Variants in KLHL24 observed in about 807,000 individuals in gnomAD.
KLHL24 encodes the protein kelch like family member 24, also known as kelch-like protein 24.
Under a neutral mutation model 53.4 loss-of-function variants are expected in KLHL24, and 29 were observed. The observed-to-expected ratio is 0.54, with a 90% CI of 0.40 to 0.74. The LOEUF is 0.74. Among genes scored for constraint, KLHL24 ranks in the 30% least tolerant of loss-of-function variants. The pLI is 0.00. For synonymous variants in KLHL24, 222 were observed against 253.7 expected (o/e 0.88, Z 1.19); for missense variants, 504 against 744.0 (o/e 0.68, Z 3.75).
chr3:183,652,935 A>T (rs1490640609), intron 3 of KLHL24, among the ~76,000 whole-genome samples: 1 of 152,194 alleles, frequency 6.6e-6, no homozygotes, highest in Non-Finnish European at 1.5e-5. Flanking sequence ...CAAGGGTTAT[A>T]TGTTGTAAAA....
intron 1 of KLHL24, among the ~76,000 whole-genome samples, chr3:183,638,367 C>T (rs1048374917): frequency 3.3e-5 from 5 of 152,106 alleles, no homozygotes; most frequent in African/African-American, 9.7e-5. Flanking sequence ...TTCCTTTTCT[C>T]CCATTTCATT....
intron 5 of KLHL24, 58 bp downstream of exon 5, chr3:183,665,097 G>T: frequency 1.2e-6 from 1 of 852,212 alleles, no homozygotes; most frequent in Non-Finnish European, 1.9e-6. Flanking sequence ...AAATACCACA[G>T]CTGAATCTTT....
intron 2 of KLHL24, among the ~76,000 whole-genome samples, chr3:183,645,381 C>G (rs954116002): frequency 6.6e-6 from 1 of 152,154 alleles, no homozygotes; most frequent in Non-Finnish European, 1.5e-5. Context: ...GATAGATACG[C>G]TACTGCTCAT....
At chr3:183,651,461 C>T (rs1449829521) in intron 3 of KLHL24, among the ~76,000 whole-genome samples, 185 bp downstream of exon 3, 1 of 152,154 alleles carries the variant, frequency 6.6e-6, no homozygotes, top group East Asian at 1.9e-4. Flanking sequence ...TCAACAGTAG[C>T]ATTTTTTGTT....
intron 7 of KLHL24, among the ~76,000 whole-genome samples, chr3:183,675,415 C>G (rs989610670): frequency 6.6e-6 from 1 of 152,088 alleles, no homozygotes; most frequent in Non-Finnish European, 1.5e-5. Flanking sequence ...CGTTTTCTCC[C>G]TCTCATATCA....
At position 183,676,009 on chromosome 3, in the gene KLHL24, A is replaced by G. The variant is rs1019489619; in HGVS notation, c.1603-3077A>G. Among the ~76,000 whole-genome samples the G allele has an allele frequency of 5.3e-5, 8 of 152,204 alleles. No homozygotes were observed. In the South Asian group the frequency reaches 8.3e-4, roughly 16 times the overall value. ...CAACATTCATTGACTTTAGAAATTT[A>G]AAGAAAATAAACATTTGGATCAGAA... On this transcript the variant is annotated intron_variant, in intron 7 of 7. Transcript: ENST00000242810.
chr3:183,682,903 A>C lies in KLHL24; in HGVS notation c.*3617A>C, dbSNP rs1351683417. 3.9e-5 allele frequency: 6 copies of C among 152,150 alleles called. No individual in the cohort carries two copies. In the East Asian group the frequency reaches 1.2e-3, roughly 29 times the overall value. The allele number at this position is 152,150 out of a possible 1,614,324, so 9.4% of individuals were successfully genotyped here. A position where few individuals can be genotyped will look rare whatever the true frequency, so the allele number is the denominator to read the frequency against. On this transcript the variant is annotated 3_prime_UTR_variant, in exon 8 of 8. Coordinates refer to ENST00000242810, the MANE Select transcript of KLHL24 (RefSeq NM_017644.3). ...TTATGTCTTGAGATTTATATGTGGA[A>C]AAGACGACATCTACTTCAAACTGTA...
intron 1 of KLHL24, among the ~76,000 whole-genome samples, chr3:183,641,159 A>G (rs895973315): frequency 2.0e-5 from 3 of 152,174 alleles, no homozygotes; most frequent in African/African-American, 4.8e-5. Flanking sequence ...TTGGTTTTGT[A>G]TAGTACCTTA....
intron 3 of KLHL24, among the ~76,000 whole-genome samples, chr3:183,654,742 T>C (rs1718612409): frequency 6.6e-6 from 1 of 152,222 alleles, no homozygotes; most frequent in Admixed American, 6.5e-5. Flanking sequence ...TTCTTTTTTA[T>C]GATTCTGACT....
chr3:183,658,727 A>G (rs1719268610), intron 3 of KLHL24, among the ~76,000 whole-genome samples: 1 of 152,160 alleles, frequency 6.6e-6, no homozygotes, highest in Non-Finnish European at 1.5e-5. Context: ...ATTTGTTTAC[A>G]TTAGTTTTTG....
In KLHL24 at chr3:183,680,291, CAA is replaced by C. The variant is rs910674948; in HGVS notation, c.*1006_*1007del. 2.0e-5 allele frequency: 3 copies of C among 152,190 alleles called. No homozygotes were observed. The highest frequency in any genetic ancestry group is 7.2e-5 in the African/African-American group (3 of 41,520). 9.4% of individuals were successfully genotyped at this position (152,190 alleles called of 1,614,324 possible). A position where few individuals can be genotyped will look rare whatever the true frequency, so the allele number is the denominator to read the frequency against. ...TGGGCAACAGGTTGCGACACTGTCT[CAA>C]GAGAAAAGAAAAAGAAAAATAGGGA... On this transcript the variant is annotated 3_prime_UTR_variant, in exon 8 of 8. Coordinates refer to ENST00000242810, the MANE Select transcript of KLHL24 (RefSeq NM_017644.3).
At chr3:183,670,276 AAG>A (rs1048753549) in intron 5 of KLHL24, among the ~76,000 whole-genome samples, 6 of 152,036 alleles carry the variant, frequency 3.9e-5, no homozygotes, top group African/African-American at 1.2e-4. Flanking sequence ...AAAAAAGAAA[AAG>A]AGAGAGAGAG....
In KLHL24 at chr3:183,680,551, A is replaced by G. The variant is rs1712572065; in HGVS notation, c.*1265A>G. 1 of 152,200 alleles carries G rather than the reference A, an allele frequency of 6.6e-6. No homozygotes were observed. The highest frequency in any genetic ancestry group is 6.5e-5 in the Admixed American group (1 of 15,268). The allele number at this position is 152,200 out of a possible 1,614,324, so 9.4% of individuals were successfully genotyped here. A position where few individuals can be genotyped will look rare whatever the true frequency, so the allele number is the denominator to read the frequency against. ...AGCAGTAGTTCCCATCTTTAAGGTA[A>G]GTCTTTCATTTGGTCCCCATTGTGT... On this transcript the variant is annotated 3_prime_UTR_variant, in exon 8 of 8. Coordinates refer to ENST00000242810, the MANE Select transcript of KLHL24 (RefSeq NM_017644.3).
At position 183,640,083 on chromosome 3, in the gene KLHL24, A is replaced by G. The variant is rs1229313972; in HGVS notation, c.-124-3397A>G. ...GAAAACATAACTATATCATATATCT[A>G]TAGGTGTTTTGATTATCAAATAAAA... On this transcript the variant is annotated intron_variant, in intron 1 of 7. Coordinates refer to ENST00000242810, the MANE Select transcript of KLHL24 (RefSeq NM_017644.3). Among the ~76,000 whole-genome samples the G allele has an allele frequency of 3.3e-5, 5 of 151,616 alleles. No homozygotes were observed. The South Asian group carries it at 6.2e-4, about 19-fold the overall frequency.
At chr3:183,678,821 C>G (rs1712345466) in intron 7 of KLHL24, among the ~76,000 whole-genome samples, 1 of 152,060 alleles carries the variant, frequency 6.6e-6, no homozygotes, top group African/African-American at 2.4e-5. Context: ...GCCTCCAGCT[C>G]CATCCACGTC....
intron 7 of KLHL24, among the ~76,000 whole-genome samples, chr3:183,674,307 T>TCTTTCTTTCCTTTCTTC (rs1560186036): frequency 2.5e-5 from 3 of 118,584 alleles, no homozygotes; most frequent in African/African-American, 6.3e-5. Flanking sequence ...TTCTTTCCTT[T>TCTTTCTTTCCTTTCTTC]CTTCCTTCCT....
chr3:183,642,271 G>T (rs1350474711), intron 1 of KLHL24, among the ~76,000 whole-genome samples: 1 of 152,056 alleles, frequency 6.6e-6, no homozygotes, highest in African/African-American at 2.4e-5. Flanking sequence ...TCCCAAATTT[G>T]CCCTAGTTGC....
chr3:183,638,650 C>T (rs1715775741), intron 1 of KLHL24, among the ~76,000 whole-genome samples: 1 of 152,304 alleles, frequency 6.6e-6, no homozygotes, highest in Middle Eastern at 3.4e-3. Flanking sequence ...ATTGTTTCTC[C>T]TATTAAAAAC....
At chr3:183,670,089 C>A (rs1438695826) in intron 5 of KLHL24, among the ~76,000 whole-genome samples, 1 of 151,970 alleles carries the variant, frequency 6.6e-6, no homozygotes, top group Non-Finnish European at 1.5e-5. Flanking sequence ...AGAGGGAGAC[C>A]CTGTCTCTGT....
Sources: allele counts gnomAD v4.1 joint callset (sites outside exome capture counted in the v4.1 genomes callset), GRCh38; gene constraint gnomAD v4.1.1; transcripts MANE v1.5; gene names NCBI Gene and HGNC (gene_info 2026-07-23, HGNC 2026-07-21).